Variants in GLIS3 observed in about 807,000 individuals in gnomAD.
The protein encoded by GLIS3 is GLIS family zinc finger 3, also known as zinc finger protein GLIS3.
A neutral mutation model predicts 78.6 loss-of-function variants in GLIS3; 53 were observed. That is an observed-to-expected ratio of 0.67 (90% CI 0.54 to 0.85). GLIS3 has a LOEUF of 0.85. Among genes scored for constraint, GLIS3 ranks in the 40% least tolerant of loss-of-function variants. The pLI, the probability that GLIS3 is intolerant of heterozygous loss-of-function variation, is 0.00. For missense variants in GLIS3, 1,703 were observed against 1,231.1 expected, an observed-to-expected ratio of 1.38 and a Z score of -5.74; for synonymous variants, 684 against 509.9, an observed-to-expected ratio of 1.34 and a Z score of -4.60.
chr9:4,207,056 G>A (rs1161306423), intron 2 of GLIS3, among the ~76,000 whole-genome samples: 5 of 152,150 alleles, frequency 3.3e-5, no homozygotes, highest in Non-Finnish European at 1.5e-5. Flanking sequence ...AGAATCCCTA[G>A]ACCAGAGGGC....
chr9:4,404,936 A>G, the GLIS3 span, among the ~76,000 whole-genome samples: 3 of 152,364 alleles, frequency 2.0e-5, no homozygotes, highest in East Asian at 1.9e-4. Flanking sequence ...CAAAAAGTTA[A>G]TATTTTGAAA....
chr9:4,315,100 C>T (rs1817418040), intron 2 of GLIS3, among the ~76,000 whole-genome samples: 2 of 152,198 alleles, frequency 1.3e-5, no homozygotes, highest in Admixed American at 6.5e-5. Flanking sequence ...TGTCTTTTCT[C>T]GGAGATACAA....
intron 2 of GLIS3, among the ~76,000 whole-genome samples, chr9:4,183,493 T>C (rs1308633388): frequency 1.3e-5 from 2 of 152,200 alleles, no homozygotes; most frequent in Non-Finnish European, 2.9e-5. Flanking sequence ...CAGCACACTA[T>C]ACTGAAGGAA....
chr9:4,213,915 T>C (rs988671151), intron 2 of GLIS3, among the ~76,000 whole-genome samples: 1 of 63,970 alleles, frequency 1.6e-5, no homozygotes, highest in Non-Finnish European at 3.2e-5. Context: ...AGGCAGAAAA[T>C]AAACACAGAA....
intron 4 of GLIS3, among the ~76,000 whole-genome samples, chr9:4,100,740 G>C (rs1182028198): frequency 6.6e-6 from 1 of 151,976 alleles, no homozygotes; most frequent in African/African-American, 2.4e-5. Context: ...GGGGGACAAA[G>C]GAAAAAAACT....
intron 6 of GLIS3, chr9:3,901,103 C>T (rs1470009774): frequency 6.5e-6 from 1 of 152,714 alleles, no homozygotes; most frequent in Non-Finnish European, 1.5e-5. Context: ...CATTCTTCCC[C>T]TGCCCGAAAA....
chr9:4,180,015 G>A (rs1258310696), intron 2 of GLIS3, among the ~76,000 whole-genome samples: 1 of 152,088 alleles, frequency 6.6e-6, no homozygotes, highest in Admixed American at 6.6e-5. Flanking sequence ...CACCTTCTTG[G>A]ATCTCCTACA....
At chr9:4,324,783 AT>A (rs1385389398) in intron 2 of GLIS3, among the ~76,000 whole-genome samples, 2 of 152,312 alleles carry the variant, frequency 1.3e-5, no homozygotes, top group African/African-American at 4.8e-5. Flanking sequence ...AAGTCATTTC[AT>A]TTGTTTTGGC....
intron 4 of GLIS3, among the ~76,000 whole-genome samples, chr9:3,973,660 G>C (rs1242236910): frequency 1.3e-5 from 2 of 152,084 alleles, no homozygotes; most frequent in Non-Finnish European, 2.9e-5. Context: ...TTCACACAAA[G>C]CTGTTGGGAA....
chr9:4,067,093 C>T (rs1452461893), intron 4 of GLIS3, among the ~76,000 whole-genome samples: 1 of 152,132 alleles, frequency 6.6e-6, no homozygotes, highest in African/African-American at 2.4e-5. Flanking sequence ...CTTCCACAGT[C>T]CCCTTCTGCC....
rs1016848534 is a variant in GLIS3 at position 4,327,040 on chromosome 9, G to A, written n.265-16512C>T. On this transcript the variant is annotated intron_variant and non_coding_transcript_variant, in intron 2 of 4. Transcript: ENST00000471664. ...AGAGTCAGGTGGGGTAGACAGACAT[G>A]AAACAAGTAATCTCATAAATGGAGG... Among the ~76,000 whole-genome samples, 9 of 152,214 alleles carry A rather than the reference G, an allele frequency of 5.9e-5. 1 individual carries two copies. Among genetic ancestry groups the A allele is most frequent in the African/African-American group, 1.9e-4 (8 of 41,454 alleles).
At chr9:4,232,632 G>A (rs1025299301) in intron 2 of GLIS3, among the ~76,000 whole-genome samples, 2 of 152,080 alleles carry the variant, frequency 1.3e-5, no homozygotes, top group Non-Finnish European at 2.9e-5. Context: ...ACCAGTACTA[G>A]CAACAGGTAG....
the GLIS3 span, among the ~76,000 whole-genome samples, chr9:4,400,943 G>A: frequency 6.6e-6 from 1 of 152,202 alleles, no homozygotes; most frequent in Non-Finnish European, 1.5e-5. Flanking sequence ...TAGGCCTCGG[G>A]CTCTGAGATG....
At chr9:3,859,833 C>T (rs1047829317) in intron 8 of GLIS3, among the ~76,000 whole-genome samples, 12 of 152,092 alleles carry the variant, frequency 7.9e-5, no homozygotes, top group Admixed American at 7.9e-4. Flanking sequence ...TACTGCTTAC[C>T]AGAAACAGAT....
At chr9:4,345,583 G>A (rs963601432) in intron 2 of GLIS3, among the ~76,000 whole-genome samples, 50 of 152,104 alleles carry the variant, frequency 3.3e-4, no homozygotes, top group African/African-American at 1.1e-3. Flanking sequence ...CAGGTTCCAT[G>A]TATCTTACCA....
At chr9:4,267,959 G>C (rs962316313) in intron 2 of GLIS3, among the ~76,000 whole-genome samples, 5 of 152,014 alleles carry the variant, frequency 3.3e-5, no homozygotes, top group Middle Eastern at 3.4e-3. Flanking sequence ...GTGTGTGTGT[G>C]TGTGTGTGTG....
intron 2 of GLIS3, among the ~76,000 whole-genome samples, chr9:4,237,496 T>A (rs1346228977): frequency 6.6e-6 from 1 of 152,212 alleles, no homozygotes; most frequent in Non-Finnish European, 1.5e-5. Flanking sequence ...TCAGGCTCAG[T>A]CTACTGAGCC....
At chr9:4,057,784 A>C (rs555936121) in intron 4 of GLIS3, among the ~76,000 whole-genome samples, 11 of 152,318 alleles carry the variant, frequency 7.2e-5, no homozygotes, top group African/African-American at 2.4e-4. Context: ...AAGACATGAT[A>C]ATACTTTTAA....
chr9:4,416,269 A>AG, the GLIS3 span, among the ~76,000 whole-genome samples: 1 of 148,618 alleles, frequency 6.7e-6, no homozygotes, highest in Admixed American at 6.7e-5. Flanking sequence ...AAAAAAAAAA[A>AG]AAAAAAAAAA....
Sources: allele counts gnomAD v4.1 joint callset (sites outside exome capture counted in the v4.1 genomes callset), GRCh38; gene constraint gnomAD v4.1.1; transcripts MANE v1.5; gene names NCBI Gene and HGNC (gene_info 2026-07-23, HGNC 2026-07-21).